Variants in PAFAH1B2 observed in about 807,000 individuals in gnomAD.
The protein encoded by PAFAH1B2 is platelet-activating factor acetylhydrolase IB subunit alpha2.
Under a neutral mutation model 28.0 loss-of-function variants are expected in PAFAH1B2, and 8 were observed. The observed-to-expected ratio is 0.29, with a 90% CI of 0.17 to 0.52. PAFAH1B2 has a LOEUF of 0.52. PAFAH1B2 is among the 20% of genes least tolerant of loss of function. The probability of loss-of-function intolerance (pLI) is 0.97; values close to 1 mark genes in which losing one functional copy is unlikely to be tolerated. For missense variants in PAFAH1B2, 190 were observed against 282.6 expected (o/e 0.67, Z 2.35); for synonymous variants, 104 against 103.2 (o/e 1.01, Z -0.05).
At chr11:117,174,253 C>T (rs1288314586), downstream of PAFAH1B2, among the ~76,000 whole-genome samples, 3 of 150,990 alleles carry the variant, frequency 2.0e-5, no homozygotes, top group South Asian at 2.1e-4. Context: ...GGCCTGTGGT[C>T]GCACACTGCA....
chr11:117,146,114 C>T (rs76346993), intron 1 of PAFAH1B2, among the ~76,000 whole-genome samples: 1 of 137,976 alleles, frequency 7.2e-6, no homozygotes, highest in Non-Finnish European at 1.5e-5. Context: ...GTCTTTCTTT[C>T]TTTTTTTTTT....
chr11:117,157,729 C>T (rs572034824), intron 2 of PAFAH1B2, among the ~76,000 whole-genome samples: 3 of 152,232 alleles, frequency 2.0e-5, no homozygotes, highest in South Asian at 2.1e-4. Flanking sequence ...GAATTCAGTC[C>T]AGTCTGGGCA....
chr11:117,165,667 T>G (rs1956490559), intron 5 of PAFAH1B2, among the ~76,000 whole-genome samples: 1 of 152,126 alleles, frequency 6.6e-6, no homozygotes, highest in Non-Finnish European at 1.5e-5. Flanking sequence ...TTCAAAGACT[T>G]CATTGGTTTC....
chr11:117,149,009 A>G (rs1040093261), intron 1 of PAFAH1B2, among the ~76,000 whole-genome samples: 1 of 149,070 alleles, frequency 6.7e-6, no homozygotes, highest in South Asian at 2.1e-4. Flanking sequence ...CTGGGATTAC[A>G]GGCACGCACC....
intron 1 of PAFAH1B2, among the ~76,000 whole-genome samples, chr11:117,144,892 C>G (rs148368856): frequency 1.7e-3 from 252 of 152,348 alleles, no homozygotes; most frequent in African/African-American, 5.8e-3. Flanking sequence ...TCACTCTTCT[C>G]TCCCCTCGCG....
chr11:117,167,434 G>A lies in PAFAH1B2; in HGVS notation c.425G>A (p.Arg142Gln). 1.9e-6 allele frequency: 3 copies of A among 1,583,946 alleles called. No homozygotes were observed. The highest frequency in any genetic ancestry group is 1.1e-5 in the South Asian group (1 of 87,572). ...ACTGTGCCCCAGGGTTTGTTACCTC[G>A]AGGTGAGAAACCCAATCCTTTGAGG... is the stretch of plus-strand genomic sequence containing the variant. ...AKIIVLGLLP[R>Q]GEKPNPLRQK... is the part of the protein sequence containing the mutation. The change falls in exon 6 of 6, where the codon CGA (arginine) becomes CAA (glutamine). Residue 142 changes from arginine to glutamine, a missense_variant. Physicochemically the swap from Arg to Gln is conservative, Grantham distance 43. Transcript: ENST00000527958.
Position 117,168,446 on chromosome 11 carries a change from G to GTTTGGTGTTTTTTT in PAFAH1B2, c.*750_*751insGGTGTTTTTTTTTT. The GTTTGGTGTTTTTTT allele has an allele frequency of 4.3e-6, 1 of 234,820 alleles. No homozygotes were observed. The highest frequency in any genetic ancestry group is 5.0e-6 in the Non-Finnish European group (1 of 200,708). The allele number at this position is 234,820 out of a possible 1,614,324, so 14.5% of individuals were successfully genotyped here. A position where few individuals can be genotyped will look rare whatever the true frequency, so the allele number is the denominator to read the frequency against. On this transcript the variant is annotated 3_prime_UTR_variant, in exon 6 of 6. Transcript: ENST00000527958. ...TCCCCTTCATTCCCCCCGCCACCCC[G>GTTTGGTGTTTTTTT]TTTTTTTTTTTTTTTTTTTTTTTTT... is the stretch of plus-strand genomic sequence containing the variant.
At chr11:117,148,221 T>G (rs545800059) in intron 1 of PAFAH1B2, among the ~76,000 whole-genome samples, 12 of 152,032 alleles carry the variant, frequency 7.9e-5, no homozygotes, top group Middle Eastern at 6.8e-3. Context: ...CTGGCTAATC[T>G]TTTGTATTTT....
intron 2 of PAFAH1B2, among the ~76,000 whole-genome samples, chr11:117,154,980 GGTTTT>G (rs967407231): frequency 1.3e-5 from 2 of 152,014 alleles, no homozygotes; most frequent in Non-Finnish European, 2.9e-5. Context: ...GTAATAAAAA[GGTTTT>G]GTTTTGTTTT....
In PAFAH1B2 at chr11:117,144,315, G is replaced by A. The variant is rs1163059527; in HGVS notation, c.-111G>A. 2.5e-6 allele frequency: 1 copy of A among 400,484 alleles called. No individual in the cohort carries two copies. Among genetic ancestry groups the A allele is most frequent in the Non-Finnish European group, 5.1e-6 (1 of 195,054 alleles). 24.8% of individuals were successfully genotyped at this position (400,484 alleles called of 1,614,324 possible). A position where few individuals can be genotyped will look rare whatever the true frequency, so the allele number is the denominator to read the frequency against. On this transcript the variant is annotated 5_prime_UTR_variant, in exon 1 of 6. Transcript: ENST00000527958. ...GGAGCTGCTGCTGGTGCTGGGGCCG[G>A]AGGAGGGACGCGCCGGAGCGGGACC...
chr11:117,172,390 ATATATATATATATATTTT>A (rs1956686856), downstream of PAFAH1B2, among the ~76,000 whole-genome samples: 3 of 1,878 alleles, frequency 1.6e-3, no homozygotes, highest in Non-Finnish European at 3.2e-3. Flanking sequence ...ATATATATAT[ATATATATATATATATTTT>A]TTTTTTTTTT....
chr11:117,159,193 A>G (rs1445803334), intron 2 of PAFAH1B2, among the ~76,000 whole-genome samples: 1 of 152,220 alleles, frequency 6.6e-6, no homozygotes. Context: ...ATAAACTTCT[A>G]AACAGCATGT....
chr11:117,175,704 A>T, downstream of PAFAH1B2: 1 of 1,159,372 alleles, frequency 8.6e-7, no homozygotes, highest in Non-Finnish European at 1.1e-6. Flanking sequence ...ACCTCCCAAG[A>T]TGAATTAAGT....
chr11:117,167,129 C>T (rs888798202), intron 5 of PAFAH1B2, among the ~76,000 whole-genome samples: 3 of 152,014 alleles, frequency 2.0e-5, no homozygotes, highest in Admixed American at 6.6e-5. Flanking sequence ...TTAGAAGTTT[C>T]ATATGTAATT....
At chr11:117,175,842 G>T (rs933764358), downstream of PAFAH1B2, 12 of 1,432,720 alleles carry the variant, frequency 8.4e-6, no homozygotes, top group East Asian at 2.5e-5. Flanking sequence ...GTGGCAGATC[G>T]CTTGAAGCCA....
At chr11:117,160,125 TAGAG>T in intron 3 of PAFAH1B2, 102 bp downstream of exon 3, 1 of 839,454 alleles carries the variant, frequency 1.2e-6, no homozygotes, top group South Asian at 1.4e-5. Context: ...TTGTGACTCT[TAGAG>T]AAGCCCTAAT....
At chr11:117,158,106 C>G (rs1007958343) in intron 2 of PAFAH1B2, among the ~76,000 whole-genome samples, 2 of 151,990 alleles carry the variant, frequency 1.3e-5, no homozygotes, top group African/African-American at 4.8e-5. Context: ...CCACTACACT[C>G]CAGCCTGAGT....
chr11:117,165,165 C>CAGG (rs1956476445), intron 5 of PAFAH1B2, among the ~76,000 whole-genome samples: 2 of 151,426 alleles, frequency 1.3e-5, no homozygotes, highest in African/African-American at 4.8e-5. Flanking sequence ...CCGTGTTAGC[C>CAGG]ATGGTCTCGA....
At chr11:117,164,088 T>C (rs1425622776) in intron 5 of PAFAH1B2, 196 bp downstream of exon 5, 2 of 520,616 alleles carry the variant, frequency 3.8e-6, no homozygotes, top group Non-Finnish European at 6.8e-6. Flanking sequence ...GGGGCCATCT[T>C]TTATCCACGC....
Sources: allele counts gnomAD v4.1 joint callset (sites outside exome capture counted in the v4.1 genomes callset), GRCh38; gene constraint gnomAD v4.1.1; transcripts MANE v1.5; gene names NCBI Gene and HGNC (gene_info 2026-07-23, HGNC 2026-07-21).